The following TMED7 variants were observed in gnomAD, a reference collection of about 807,000 sequenced individuals.
The protein encoded by TMED7 is transmembrane p24 trafficking protein 7.
In TMED7, 8 loss-of-function variants were observed where a neutral mutation model predicts 23.4. That is an observed-to-expected ratio of 0.34 (90% CI 0.20 to 0.62). The LOEUF is 0.62. Among genes scored for constraint, TMED7 ranks in the 20% least tolerant of loss-of-function variants. TMED7 has a pLI of 0.77. For synonymous variants in TMED7, 121 were observed against 108.5 expected (o/e 1.12, Z -0.72); for missense variants, 232 against 279.1 (o/e 0.83, Z 1.20).
chr5:115,616,563 T>A, intron 2 of TMED7, 118 bp from the exon 3 acceptor site: 3 of 1,430,092 alleles, frequency 2.1e-6, no homozygotes, highest in South Asian at 2.6e-5. Flanking sequence ...GCTACTAATC[T>A]GGCATTCATT....
At chr5:115,617,414 T>C (rs567815661) in intron 2 of TMED7, among the ~76,000 whole-genome samples, 1 of 152,350 alleles carries the variant, frequency 6.6e-6, no homozygotes, top group East Asian at 1.9e-4. Context: ...TAAAATATTC[T>C]ATTAAAAGTG....
At chr5:115,619,468 T>C (rs1429961314) in intron 2 of TMED7, among the ~76,000 whole-genome samples, 1 of 152,150 alleles carries the variant, frequency 6.6e-6, no homozygotes, top group African/African-American at 2.4e-5. Context: ...TCATGCCTAA[T>C]TGAGTAACTT....
Position 115,625,855 on chromosome 5 carries a change from C to A in TMED7, c.-63G>T. On this transcript the variant is annotated 5_prime_UTR_variant, in exon 1 of 3. Coordinates refer to ENST00000456936, the MANE Select transcript of TMED7 (RefSeq NM_181836.6). ...ACGCAGGGTCAGGTCTGCGCGGACTCACCGCGCGCGGCAGGCCTCAGCGCA... is the reference window on the plus strand; with the variant it reads ...ACGCAGGGTCAGGTCTGCGCGGACTAACCGCGCGCGGCAGGCCTCAGCGCA... 1 of 1,340,228 alleles carries A rather than the reference C, an allele frequency of 7.5e-7. No homozygotes were observed. The allele number at this position is 1,340,228 out of a possible 1,614,324, so 83.0% of individuals were successfully genotyped here. A position where few individuals can be genotyped will look rare whatever the true frequency, so the allele number is the denominator to read the frequency against.
At chr5:115,624,955 T>C (rs138081286) in intron 1 of TMED7, among the ~76,000 whole-genome samples, 15 of 152,350 alleles carry the variant, frequency 9.8e-5, no homozygotes, top group African/African-American at 3.6e-4. Context: ...TAGTATTCAA[T>C]AGCTACTCAA....
At chr5:115,625,162 C>CA (rs1186530123) in intron 1 of TMED7, among the ~76,000 whole-genome samples, 2 of 152,208 alleles carry the variant, frequency 1.3e-5, no homozygotes, top group Non-Finnish European at 2.9e-5. Context: ...CTTCCAATGA[C>CA]AAGGACCGTA....
At position 115,618,695 on chromosome 5, in the gene TMED7, C is replaced by T. The variant is rs73260562; in HGVS notation, c.438+1740G>A. ...AGTCAATGTTGTGTACTTCTTACTG[C>T]ATATTATGATAAGGCACATAATGTC... On this transcript the variant is annotated intron_variant, in intron 2 of 2. Transcript: ENST00000456936. Among the ~76,000 whole-genome samples the T allele has an allele frequency of 8.9e-3, 1,352 of 152,284 alleles. 15 individuals carry two copies. The highest frequency in any genetic ancestry group is 0.031 in the African/African-American group (1,287 of 41,540).
In TMED7 at chr5:115,616,313, C is replaced by A; in HGVS notation, c.571G>T (p.Val191Leu). ...ACCAGAAGAATGAGGGCTTCTCCTACTGACCAATAGGCCACTCTTGTATTT... is the reference window on the plus strand; with the variant it reads ...ACCAGAAGAATGAGGGCTTCTCCTAATGACCAATAGGCCACTCTTGTATTT... ...DLNTRVAYWS[V>L]GEALILLVVS... The change falls in exon 3 of 3, where the codon GTA becomes TTA. Residue 191 changes from valine (V) to leucine (L), a missense_variant. Val to Leu is a conservative substitution (Grantham distance 32). Transcript: ENST00000456936. 1 of 1,614,200 alleles carries A rather than the reference C, an allele frequency of 6.2e-7. No individual in the cohort carries two copies. The highest frequency in any genetic ancestry group is 8.5e-7 in the Non-Finnish European group (1 of 1,180,000).
In TMED7 at chr5:115,625,851, G is replaced by A; in HGVS notation, c.-59C>T. 1.5e-6 allele frequency: 2 copies of A among 1,342,260 alleles called. No individual in the cohort carries two copies. Among genetic ancestry groups the A allele is most frequent in the South Asian group, 2.0e-5 (1 of 49,752 alleles). 83.1% of individuals were successfully genotyped at this position (1,342,260 alleles called of 1,614,324 possible). On this transcript the variant is annotated 5_prime_UTR_variant, in exon 1 of 3. Coordinates refer to ENST00000456936, the MANE Select transcript of TMED7 (RefSeq NM_181836.6). ...CGAGACGCAGGGTCAGGTCTGCGCGGACTCACCGCGCGCGGCAGGCCTCAG... is the reference window on the plus strand; with the variant it reads ...CGAGACGCAGGGTCAGGTCTGCGCGAACTCACCGCGCGCGGCAGGCCTCAG...
At position 115,625,462 on chromosome 5, in the gene TMED7, T is replaced by C. The variant is rs139902538; in HGVS notation, c.192+139A>G. On this transcript the variant is annotated intron_variant, in intron 1 of 2. Transcript: ENST00000456936. ...GGTTTATTAGAGGAAAGTCAAATGC[T>C]GGGCATCAGCTACCTAGAAGCGATT... 3.4e-5 allele frequency: 34 copies of C among 992,782 alleles called. No homozygotes were observed. The African/African-American group carries it at 5.3e-4, about 15-fold the overall frequency. 61.5% of individuals were successfully genotyped at this position (992,782 alleles called of 1,614,324 possible).
chr5:115,621,556 A>G (rs1757028874), intron 1 of TMED7, among the ~76,000 whole-genome samples: 1 of 152,240 alleles, frequency 6.6e-6, no homozygotes, highest in Non-Finnish European at 1.5e-5. Context: ...GAGTCTGAAC[A>G]GAACTGTGGA....
chr5:115,624,917 T>C (rs1300429274), intron 1 of TMED7, among the ~76,000 whole-genome samples: 1 of 152,230 alleles, frequency 6.6e-6, no homozygotes, highest in African/African-American at 2.4e-5. Context: ...ACCCTATCTG[T>C]TTCGACCACT....
intron 1 of TMED7, among the ~76,000 whole-genome samples, chr5:115,621,404 G>A (rs980815919): frequency 6.6e-6 from 1 of 152,068 alleles, no homozygotes; most frequent in South Asian, 2.1e-4. Context: ...GGAGAGACAC[G>A]TAACTGATTA....
chr5:115,624,578 C>T (rs925506059), intron 1 of TMED7, among the ~76,000 whole-genome samples: 2 of 152,190 alleles, frequency 1.3e-5, no homozygotes, highest in African/African-American at 4.8e-5. Context: ...CCTACACTTT[C>T]AGGAAAAACA....
At chr5:115,620,245 T>C in intron 2 of TMED7, 190 bp downstream of exon 2, 2 of 736,084 alleles carry the variant, frequency 2.7e-6, no homozygotes, top group Middle Eastern at 4.5e-4. Flanking sequence ...GTTCATAAAA[T>C]CTTTCAACAT....
rs1344715386 is a variant in TMED7, at chr5:115,625,829, G to C, written c.-37C>G. ...GGCGGCGGCCTCAACCGAGCTGCGA[G>C]ACGCAGGGTCAGGTCTGCGCGGACT... On this transcript the variant is annotated 5_prime_UTR_variant, in exon 1 of 3. Transcript: ENST00000456936. 32 of 1,383,786 alleles carry C rather than the reference G, an allele frequency of 2.3e-5. No homozygotes were observed. Among genetic ancestry groups the C allele is most frequent in the Non-Finnish European group, 2.9e-5 (31 of 1,076,484 alleles). The allele number at this position is 1,383,786 out of a possible 1,614,324, so 85.7% of individuals were successfully genotyped here.
chr5:115,615,880 T>A lies in TMED7; in HGVS notation c.*329A>T, dbSNP rs528624675. On this transcript the variant is annotated 3_prime_UTR_variant, in exon 3 of 3. Transcript: ENST00000456936. ...AAGTTTTTAAAATATCAACTACCTA[T>A]AAGAAAAGTAGTCTTAAATGGTTAA... 15 of 283,894 alleles carry A rather than the reference T, an allele frequency of 5.3e-5. No homozygotes were observed. The highest frequency in any genetic ancestry group is 4.4e-4 in the Admixed American group (9 of 20,570). 17.6% of individuals were successfully genotyped at this position (283,894 alleles called of 1,614,324 possible). A position where few individuals can be genotyped will look rare whatever the true frequency, so the allele number is the denominator to read the frequency against.
At chr5:115,618,181 C>T (rs758517046) in intron 2 of TMED7, among the ~76,000 whole-genome samples, 1 of 152,184 alleles carries the variant, frequency 6.6e-6, no homozygotes, top group African/African-American at 2.4e-5. Context: ...CCCACCATGT[C>T]AACAAAGATT....
chr5:115,624,828 T>G (rs1484829048), intron 1 of TMED7, among the ~76,000 whole-genome samples: 1 of 152,254 alleles, frequency 6.6e-6, no homozygotes, highest in Non-Finnish European at 1.5e-5. Flanking sequence ...CTTACTGCTC[T>G]TAAGGCACAG....
At position 115,616,434 on chromosome 5, in the gene TMED7, G is replaced by A. The variant is rs1673920743; in HGVS notation, c.450C>T (p.Ala150=). ...RVSALTQMES[A]CVSIHEALKS... ...TCAGAGCTTCGTGAATTGAAACACA[G>A]GCAGATTCCATCTGCAGAGAAATAT... The change falls in exon 3 of 3, where the codon GCC becomes GCT. Residue 150 remains alanine, a synonymous_variant. Coordinates refer to ENST00000456936, the MANE Select transcript of TMED7 (RefSeq NM_181836.6). 1 of 1,614,120 alleles carries A rather than the reference G, an allele frequency of 6.2e-7. No individual in the cohort carries two copies. Among genetic ancestry groups the A allele is most frequent in the Non-Finnish European group, 8.5e-7 (1 of 1,179,986 alleles).
Sources: allele counts gnomAD v4.1 joint callset (sites outside exome capture counted in the v4.1 genomes callset), GRCh38; gene constraint gnomAD v4.1.1; transcripts MANE v1.5; gene names NCBI Gene and HGNC (gene_info 2026-07-23, HGNC 2026-07-21).